PKHD1L1: variants seen among roughly 807,000 people sequenced by gnomAD.
PKHD1L1 encodes fibrocystin-L.
In PKHD1L1, 434 loss-of-function variants were observed where a neutral mutation model predicts 462.9. The observed-to-expected ratio is 0.94, with a 90% CI of 0.87 to 1.02. The LOEUF is 1.02. Among genes scored for constraint, PKHD1L1 ranks in the 50% least tolerant of loss-of-function variants. PKHD1L1 has a pLI of 0.00. For missense variants in PKHD1L1, 5,202 were observed against 5,096.1 expected, an observed-to-expected ratio of 1.02 and a Z score of -0.63; for synonymous variants, 1,781 against 1,750.0, an observed-to-expected ratio of 1.02 and a Z score of -0.44.
chr8:109,465,774 C>G (rs1563576388), intron 49 of PKHD1L1, among the ~76,000 whole-genome samples: 1 of 152,070 alleles, frequency 6.6e-6, no homozygotes, highest in African/African-American at 2.4e-5. Flanking sequence ...CAATCTAAAT[C>G]CTAAATTTGT....
intron 67 of PKHD1L1, among the ~76,000 whole-genome samples, chr8:109,500,166 T>C (rs375654797): frequency 6.6e-6 from 1 of 152,182 alleles, no homozygotes; most frequent in African/African-American, 2.4e-5. Flanking sequence ...TATTAAGTTA[T>C]ATATGATTTC....
In PKHD1L1 at chr8:109,441,288, C is replaced by T; in HGVS notation, c.4113C>T (p.Cys1371=). ...ENTVLLGSIP[C]NVTSSSENVI... ...TATTCTTTCTAGGGTCCATCCCTTGCAATGTTACATCATCATCAGAAAATG... is the reference window on the plus strand; with the variant it reads ...TATTCTTTCTAGGGTCCATCCCTTGTAATGTTACATCATCATCAGAAAATG... Residue 1371 remains cysteine, a synonymous_variant, in exon 34 of 78, where the codon TGC becomes TGT. Transcript: ENST00000378402. 1 of 1,573,474 alleles carries T rather than the reference C, an allele frequency of 6.4e-7. No homozygotes were observed. Among genetic ancestry groups the T allele is most frequent in the Admixed American group, 1.8e-5 (1 of 55,196 alleles).
chr8:109,420,765 A>C (rs1405524115), intron 23 of PKHD1L1, 75 bp downstream of exon 23: 1 of 1,138,508 alleles, frequency 8.8e-7, no homozygotes, highest in African/African-American at 1.6e-5. Context: ...CAACATACAG[A>C]TGGAATATTT....
intron 2 of PKHD1L1, among the ~76,000 whole-genome samples, chr8:109,367,205 T>C (rs1366339857): frequency 1.3e-5 from 2 of 152,208 alleles, no homozygotes; most frequent in Non-Finnish European, 1.5e-5. Flanking sequence ...CCAGAGCTTC[T>C]ATAGCTACAT....
chr8:109,421,111 A>G (rs1438750842), intron 23 of PKHD1L1, among the ~76,000 whole-genome samples: 1 of 151,958 alleles, frequency 6.6e-6, no homozygotes, highest in Non-Finnish European at 1.5e-5. Flanking sequence ...GTTTTTCATA[A>G]TTCCAGAAGG....
intron 2 of PKHD1L1, among the ~76,000 whole-genome samples, chr8:109,372,404 G>GAC (rs1811560571): frequency 2.0e-5 from 3 of 152,156 alleles, no homozygotes; most frequent in African/African-American, 7.2e-5. Flanking sequence ...GAGATTTTGG[G>GAC]CTGAGACGAC....
chr8:109,389,266 G>A, intron 8 of PKHD1L1, 114 bp downstream of exon 8: 1 of 757,536 alleles, frequency 1.3e-6, no homozygotes, highest in Non-Finnish European at 2.1e-6. Flanking sequence ...GTTTTTGTTT[G>A]TTTGTTTTTT....
chr8:109,399,894 A>G (rs1813182342), intron 12 of PKHD1L1, among the ~76,000 whole-genome samples, 182 bp from the exon 13 acceptor site: 2 of 152,178 alleles, frequency 1.3e-5, no homozygotes, highest in Admixed American at 1.3e-4. Context: ...GTAATAATGA[A>G]CAAATTACAG....
rs1331779550 is a variant in PKHD1L1, at chr8:109,531,390, G to T, written c.*1300G>T. Among the ~76,000 whole-genome samples the T allele has an allele frequency of 6.6e-6, 1 of 152,110 alleles. No homozygotes were observed. The highest frequency in any genetic ancestry group is 1.5e-5 in the Non-Finnish European group (1 of 68,014). ...AGAGTTTTCAGGATATTTGGGGAAA[G>T]AATGGAAACAGACCATTTCAATACA... On this transcript the variant is annotated 3_prime_UTR_variant, in exon 78 of 78. Coordinates refer to ENST00000378402, the MANE Select transcript of PKHD1L1 (RefSeq NM_177531.6).
Position 109,535,177 on chromosome 8 carries a change from A to G in PKHD1L1, c.*5087A>G, listed in dbSNP as rs1821120433. On this transcript the variant is annotated 3_prime_UTR_variant, in exon 78 of 78. Coordinates refer to ENST00000378402, the MANE Select transcript of PKHD1L1 (RefSeq NM_177531.6). Reference sequence around the variant, plus strand: ...TATAGACTGAGTAATTATAGTTGCTATGGTAATGGGCTCTGTGCCTATGAG... The same window carrying G: ...TATAGACTGAGTAATTATAGTTGCTGTGGTAATGGGCTCTGTGCCTATGAG... 6.6e-6 allele frequency among the ~76,000 whole-genome samples: 1 copy of G among 152,028 alleles called. No individual in the cohort carries two copies. Among genetic ancestry groups the G allele is most frequent in the Admixed American group, 6.5e-5 (1 of 15,272 alleles).
chr8:109,411,971 C>G (rs1813879867), intron 19 of PKHD1L1, among the ~76,000 whole-genome samples: 3 of 152,032 alleles, frequency 2.0e-5, no homozygotes. Context: ...ACCTGACACA[C>G]AGTAAACACT....
chr8:109,457,870 A>T (rs1235765841), intron 46 of PKHD1L1, among the ~76,000 whole-genome samples: 1 of 152,136 alleles, frequency 6.6e-6, no homozygotes, highest in Admixed American at 6.6e-5. Flanking sequence ...AAGAGAGGCT[A>T]ATCTAAGGCC....
intron 47 of PKHD1L1, among the ~76,000 whole-genome samples, chr8:109,461,537 G>C (rs1817125039): frequency 6.6e-6 from 1 of 152,062 alleles, no homozygotes. Context: ...TATTTGTTTA[G>C]TATCTTCTCT....
intron 38 of PKHD1L1, 127 bp from the exon 39 acceptor site, chr8:109,448,016 T>A: frequency 1.2e-6 from 1 of 809,214 alleles, no homozygotes; most frequent in South Asian, 1.9e-5. Context: ...GCATGTATTG[T>A]TAATATTTAT....
At chr8:109,501,976 A>G (rs1004677472) in intron 67 of PKHD1L1, among the ~76,000 whole-genome samples, 16 of 151,980 alleles carry the variant, frequency 1.1e-4, no homozygotes, top group African/African-American at 3.6e-4. Flanking sequence ...CTTACCTTAG[A>G]TCAGTTCTCT....
In PKHD1L1 at chr8:109,485,179, T is replaced by C. The variant is rs753661016; in HGVS notation, c.9706+6T>C. 1 of 1,557,898 alleles carries C rather than the reference T, an allele frequency of 6.4e-7. No individual in the cohort carries two copies. Among genetic ancestry groups the C allele is most frequent in the South Asian group, 1.2e-5 (1 of 81,764 alleles). On this transcript the variant is annotated splice_donor_region_variant and intron_variant, in intron 58 of 77. Transcript: ENST00000378402. ...CCTTTCCTATACTCACTTTGGTAAG[T>C]GGATGCTTTTTAACCAAATAGATAT...
At chr8:109,414,099 T>C (rs1197891412) in intron 21 of PKHD1L1, among the ~76,000 whole-genome samples, 1 of 152,182 alleles carries the variant, frequency 6.6e-6, no homozygotes, top group Non-Finnish European at 1.5e-5. Flanking sequence ...TAATTATTTT[T>C]TGGGTTTTAT....
intron 73 of PKHD1L1, among the ~76,000 whole-genome samples, chr8:109,520,733 G>A (rs1820507879): frequency 6.6e-6 from 1 of 151,728 alleles, no homozygotes; most frequent in African/African-American, 2.4e-5. Context: ...ATTCCCAGAT[G>A]TCCTAGAAAG....
At chr8:109,446,415 G>C (rs909388256) in intron 38 of PKHD1L1, among the ~76,000 whole-genome samples, 1 of 152,016 alleles carries the variant, frequency 6.6e-6, no homozygotes, top group Admixed American at 6.6e-5. Flanking sequence ...ATTTATGCAG[G>C]TACATACATT....
Sources: gnomAD v4.1 joint callset for allele counts (sites outside exome capture counted in the v4.1 genomes callset) on GRCh38, gnomAD v4.1.1 for gene constraint, MANE v1.5 for transcripts, NCBI Gene and HGNC (gene_info 2026-07-23, HGNC 2026-07-21) for gene names.